The following ZNF248 variants were observed in gnomAD, a reference collection of about 807,000 sequenced individuals.
ZNF248 encodes KRAB protein domain.
Under a neutral mutation model 44.3 loss-of-function variants are expected in ZNF248, and 20 were observed. That is an observed-to-expected ratio of 0.45 (90% CI 0.32 to 0.66). ZNF248 has a LOEUF of 0.66. Ranked by LOEUF, ZNF248 falls within the 30% of genes least tolerant of loss-of-function variation. The probability of loss-of-function intolerance (pLI) is 0.04; values close to 1 mark genes in which losing one functional copy is unlikely to be tolerated. For missense variants in ZNF248, 654 were observed against 677.0 expected (o/e 0.97, Z 0.38); for synonymous variants, 224 against 229.0 (o/e 0.98, Z 0.20).
chr10:37,796,697 CT>C (rs200137373), intron 6 of ZNF248, among the ~76,000 whole-genome samples: 1,671 of 141,254 alleles, frequency 0.012, 18 homozygotes, highest in South Asian at 0.064. Context: ...TCTAGGTTAC[CT>C]TTTTTTTTTT....
intron 6 of ZNF248, among the ~76,000 whole-genome samples, chr10:37,778,268 G>T (rs1338797834): frequency 2.1e-4 from 31 of 150,464 alleles, no homozygotes; most frequent in African/African-American, 7.5e-4. Flanking sequence ...GTTTTGATTT[G>T]CATTTCTCTG....
chr10:37,787,463 C>G (rs899648776), intron 6 of ZNF248, among the ~76,000 whole-genome samples: 7 of 151,620 alleles, frequency 4.6e-5, no homozygotes, highest in Admixed American at 3.3e-4. Flanking sequence ...GTCAACTGAT[C>G]TTTTTTCCTG....
At chr10:37,842,966 G>A (rs2058618530) in intron 3 of ZNF248, among the ~76,000 whole-genome samples, 1 of 152,186 alleles carries the variant, frequency 6.6e-6, no homozygotes. Flanking sequence ...AAGCAAGGTT[G>A]TAAACAGCCT....
At chr10:37,827,531 G>A (rs1366987145), downstream of ZNF248, among the ~76,000 whole-genome samples, 2 of 152,198 alleles carry the variant, frequency 1.3e-5, no homozygotes, top group Non-Finnish European at 2.9e-5. Context: ...ATCTGAAAGA[G>A]AAGCCTGGGA....
chr10:37,824,813 C>T (rs1424054341), downstream of ZNF248, among the ~76,000 whole-genome samples: 2 of 147,158 alleles, frequency 1.4e-5, no homozygotes, highest in Admixed American at 6.9e-5. Context: ...TCCTGAGTAG[C>T]TGGGACTATA....
intron 6 of ZNF248, among the ~76,000 whole-genome samples, chr10:37,787,135 C>T (rs886699057): frequency 1.1e-4 from 17 of 151,844 alleles, no homozygotes; most frequent in East Asian, 1.9e-4. Flanking sequence ...AAAAATTAGC[C>T]GGGCATGGTG....
intron 6 of ZNF248, among the ~76,000 whole-genome samples, chr10:37,810,108 C>T (rs567059128): frequency 2.7e-4 from 41 of 152,286 alleles, no homozygotes; most frequent in Non-Finnish European, 3.7e-4. Flanking sequence ...AATCCCAGAG[C>T]AGACAAAGCC....
At chr10:37,767,092 C>A in the ZNF248 span, among the ~76,000 whole-genome samples, 2 of 151,932 alleles carry the variant, frequency 1.3e-5, no homozygotes, top group African/African-American at 4.8e-5. Flanking sequence ...TAAAAAGAAA[C>A]GAGCAAAGCC....
the ZNF248 span, among the ~76,000 whole-genome samples, chr10:37,763,226 G>A: frequency 4.6e-5 from 7 of 152,198 alleles, no homozygotes; most frequent in African/African-American, 1.4e-4. Flanking sequence ...ATATTTATTA[G>A]GCAAAAGAGA....
chr10:37,830,465 C>T lies in ZNF248; in HGVS notation c.*1150G>A. On this transcript the variant is annotated 3_prime_UTR_variant, in exon 6 of 6. Coordinates refer to ENST00000395867, the MANE Select transcript of ZNF248 (RefSeq NM_021045.3). ...GGTAGTATTTAGAGTAGGACAGATT[C>T]AGAGGTAGTTAAAAACCTCACGGAA... 1 of 985,364 alleles carries T rather than the reference C, an allele frequency of 1.0e-6. No individual in the cohort carries two copies. 61.0% of individuals were successfully genotyped at this position (985,364 alleles called of 1,614,324 possible).
At chr10:37,833,206 A>T (rs986103329) in intron 5 of ZNF248, 90 bp from the exon 6 acceptor site, 4 of 1,462,332 alleles carry the variant, frequency 2.7e-6, no homozygotes, top group Non-Finnish European at 3.6e-6. Context: ...TCATACAGTC[A>T]ATTCTTTTGT....
At chr10:37,808,880 T>C (rs2051025012) in intron 6 of ZNF248, among the ~76,000 whole-genome samples, 1 of 152,130 alleles carries the variant, frequency 6.6e-6, no homozygotes, top group South Asian at 2.1e-4. Flanking sequence ...GAGTTTTTTT[T>C]TCATTACTGA....
At chr10:37,804,105 T>TC (rs1554818655) in intron 6 of ZNF248, among the ~76,000 whole-genome samples, 96 of 91,312 alleles carry the variant, frequency 1.1e-3, no homozygotes, top group Admixed American at 3.5e-3. Flanking sequence ...CTTTTTCTTT[T>TC]TTTTTTTTTT....
At chr10:37,777,346 G>C (rs1015200939) in intron 6 of ZNF248, among the ~76,000 whole-genome samples, 1 of 152,104 alleles carries the variant, frequency 6.6e-6, no homozygotes, top group South Asian at 2.1e-4. Flanking sequence ...TAAGCCACCC[G>C]CTTCCACCAA....
the ZNF248 span, among the ~76,000 whole-genome samples, chr10:37,762,637 TA>T: frequency 6.6e-6 from 1 of 152,220 alleles, no homozygotes; most frequent in Non-Finnish European, 1.5e-5. Context: ...TAGCATTTTA[TA>T]AAAGTTTTTG....
chr10:37,833,723 T>G (rs941280040), intron 5 of ZNF248, among the ~76,000 whole-genome samples: 1 of 152,128 alleles, frequency 6.6e-6, no homozygotes, highest in East Asian at 1.9e-4. Context: ...TTTCTTTAAG[T>G]TTTATTGAGA....
chr10:37,803,624 T>C (rs2050107596), intron 6 of ZNF248: 1 of 152,224 alleles, frequency 6.6e-6, no homozygotes, highest in Admixed American at 6.5e-5. Flanking sequence ...AGATCAGAAG[T>C]GTGACCTTCC....
At chr10:37,855,859 C>G (rs1198914550) in intron 3 of ZNF248, among the ~76,000 whole-genome samples, 1 of 152,204 alleles carries the variant, frequency 6.6e-6, no homozygotes, top group Non-Finnish European at 1.5e-5. Flanking sequence ...CGAGCTGACA[C>G]AAACAGTTAG....
chr10:37,815,181 C>T (rs1311021681), intron 6 of ZNF248, among the ~76,000 whole-genome samples: 4 of 152,080 alleles, frequency 2.6e-5, no homozygotes, highest in African/African-American at 7.2e-5. Flanking sequence ...ATTCTCCTGC[C>T]TCAGCCTCCC....
Sources: gnomAD v4.1 joint callset for allele counts (sites outside exome capture counted in the v4.1 genomes callset) on GRCh38, gnomAD v4.1.1 for gene constraint, MANE v1.5 for transcripts, NCBI Gene and HGNC (gene_info 2026-07-23, HGNC 2026-07-21) for gene names.